EYA4: variants seen among roughly 807,000 people sequenced by gnomAD.
The protein encoded by EYA4 is protein phosphatase EYA4.
In EYA4, 31 loss-of-function variants were observed where a neutral mutation model predicts 87.9. That is an observed-to-expected ratio of 0.35 (90% confidence interval 0.27 to 0.48). EYA4 has a LOEUF of 0.48. EYA4 is among the 20% of genes least tolerant of loss of function. The pLI is 0.99. For synonymous variants in EYA4, 263 were observed against 270.6 expected, an observed-to-expected ratio of 0.97 and a Z score of 0.28; for missense variants, 678 against 761.4, an observed-to-expected ratio of 0.89 and a Z score of 1.29.
At chr6:133,268,407 T>C (rs1319122801) in intron 1 of EYA4, among the ~76,000 whole-genome samples, 1 of 152,216 alleles carries the variant, frequency 6.6e-6, no homozygotes, top group Non-Finnish European at 1.5e-5. Flanking sequence ...ATGTAATCCA[T>C]GTATCTATCA....
chr6:133,515,135 A>G (rs1042304179), intron 16 of EYA4, among the ~76,000 whole-genome samples, 186 bp from the exon 17 acceptor site: 2 of 152,230 alleles, frequency 1.3e-5, no homozygotes, highest in Admixed American at 6.5e-5. Flanking sequence ...GTAAATATTC[A>G]TTGACGGAAT....
intron 3 of EYA4, among the ~76,000 whole-genome samples, chr6:133,427,261 TA>T (rs1790756313): frequency 6.6e-6 from 1 of 152,234 alleles, no homozygotes; most frequent in South Asian, 2.1e-4. Context: ...CATATTCACT[TA>T]TCTAAAATGT....
chr6:133,462,832 A>G, intron 9 of EYA4, 68 bp downstream of exon 9: 1 of 1,390,314 alleles, frequency 7.2e-7, no homozygotes, highest in African/African-American at 1.4e-5. Flanking sequence ...TTGGCTTCAG[A>G]CTAGGAATAT....
In EYA4 at chr6:133,293,994, A is replaced by ATT. The variant is rs1358067767; in HGVS notation, c.33+19182_33+19183insTT. On this transcript the variant is annotated intron_variant, in intron 2 of 19. Coordinates refer to ENST00000355286, the MANE Select transcript of EYA4 (RefSeq NM_004100.5). ...TTACATATATATATTACATATATAT[A>ATT]TAAAATTCCTGTGCTCCCTAGGGTG... 7.0e-5 allele frequency among the ~76,000 whole-genome samples: 9 copies of ATT among 128,854 alleles called. 1 individual carries two copies. The highest frequency in any genetic ancestry group is 2.7e-4 in the African/African-American group (9 of 33,538). 84.5% of individuals were successfully genotyped at this position (128,854 alleles called of 152,430 possible). A position where few individuals can be genotyped will look rare whatever the true frequency, so the allele number is the denominator to read the frequency against.
intron 2 of EYA4, among the ~76,000 whole-genome samples, chr6:133,296,455 G>A (rs761817459): frequency 6.6e-6 from 1 of 152,170 alleles, no homozygotes; most frequent in East Asian, 1.9e-4. Context: ...AGTAGTTCAG[G>A]CATGAGATGA....
chr6:133,447,871 G>C (rs528857798), intron 4 of EYA4, among the ~76,000 whole-genome samples: 1 of 152,078 alleles, frequency 6.6e-6, no homozygotes, highest in African/African-American at 2.4e-5. Context: ...CTTAAATTGG[G>C]TACAAATAAT....
At chr6:133,431,479 T>C (rs1791177779) in intron 3 of EYA4, among the ~76,000 whole-genome samples, 1 of 152,186 alleles carries the variant, frequency 6.6e-6, no homozygotes. Flanking sequence ...CTACAATAAA[T>C]AGGTGATAAT....
chr6:133,524,587 T>C (rs898971425), intron 18 of EYA4, among the ~76,000 whole-genome samples: 1 of 152,208 alleles, frequency 6.6e-6, no homozygotes, highest in Non-Finnish European at 1.5e-5. Context: ...AGAAAGGTGT[T>C]GTTTATCAAG....
chr6:133,399,855 C>A (rs1324770067), intron 3 of EYA4, among the ~76,000 whole-genome samples: 1 of 152,046 alleles, frequency 6.6e-6, no homozygotes. Flanking sequence ...GTATAAAGTT[C>A]TCCCATAGTT....
chr6:133,437,524 G>A (rs1265107766), intron 3 of EYA4, among the ~76,000 whole-genome samples: 1 of 152,108 alleles, frequency 6.6e-6, no homozygotes, highest in Non-Finnish European at 1.5e-5. Context: ...GATTAAAGGT[G>A]ATAATATATA....
intron 13 of EYA4, among the ~76,000 whole-genome samples, chr6:133,488,359 T>G (rs1007370045): frequency 6.6e-6 from 1 of 152,254 alleles, no homozygotes; most frequent in Admixed American, 6.5e-5. Context: ...TCATACAAAC[T>G]TGGCTAGTTT....
chr6:133,301,808 T>C (rs938754727), intron 2 of EYA4, among the ~76,000 whole-genome samples: 19 of 152,206 alleles, frequency 1.2e-4, no homozygotes, highest in Non-Finnish European at 2.5e-4. Context: ...TTATGTGACA[T>C]GTTTTTGCCA....
At chr6:133,299,943 C>CTATATATA (rs538719811) in intron 2 of EYA4, among the ~76,000 whole-genome samples, 6 of 135,888 alleles carry the variant, frequency 4.4e-5, no homozygotes, top group South Asian at 4.6e-4. Flanking sequence ...ATCTATCTAT[C>CTATATATA]TATCTATCTA....
chr6:133,374,132 T>C (rs1301810134), intron 2 of EYA4, among the ~76,000 whole-genome samples: 1 of 152,118 alleles, frequency 6.6e-6, no homozygotes, highest in East Asian at 1.9e-4. Flanking sequence ...TGACATTTGG[T>C]TTAATACTTA....
chr6:133,473,838 C>G (rs952502502), intron 11 of EYA4, among the ~76,000 whole-genome samples: 4 of 151,922 alleles, frequency 2.6e-5, no homozygotes, highest in Non-Finnish European at 4.4e-5. Context: ...TAAGGTGGAA[C>G]TCGTTCTTGG....
intron 2 of EYA4, among the ~76,000 whole-genome samples, chr6:133,325,812 G>A (rs760501708): frequency 1.1e-4 from 16 of 152,200 alleles, no homozygotes; most frequent in East Asian, 1.9e-4. Flanking sequence ...AGCCATCCAC[G>A]AGATGCAAAT....
chr6:133,374,271 G>A (rs1343976022), intron 2 of EYA4, among the ~76,000 whole-genome samples: 1 of 152,012 alleles, frequency 6.6e-6, no homozygotes, highest in African/African-American at 2.4e-5. Context: ...AGTTGATGAA[G>A]AGTTATAGAC....
chr6:133,456,670 T>A (rs1793934531), intron 6 of EYA4, 22 bp downstream of exon 6: 2 of 1,475,452 alleles, frequency 1.4e-6, no homozygotes, highest in South Asian at 2.3e-5. Context: ...AGCTCGTGTG[T>A]CCTTACGTAC....
chr6:133,251,120 T>C (rs529310205), intron 1 of EYA4, among the ~76,000 whole-genome samples: 1 of 152,358 alleles, frequency 6.6e-6, no homozygotes, highest in African/African-American at 2.4e-5. Flanking sequence ...TTTCTTTTAG[T>C]AAATATTTCC....
Sources: allele counts gnomAD v4.1 joint callset (sites outside exome capture counted in the v4.1 genomes callset), GRCh38; gene constraint gnomAD v4.1.1; transcripts MANE v1.5; gene names NCBI Gene and HGNC (gene_info 2026-07-23, HGNC 2026-07-21).